BCL2: variants seen among roughly 807,000 people sequenced by gnomAD.
BCL2 encodes BCL2 apoptosis regulator.
BCL2 carries 1 observed loss-of-function variant against 14.2 expected under a neutral mutation model. The ratio of observed to expected loss-of-function variants is 0.07; its 90% confidence interval spans 0.02 to 0.33. BCL2 has a LOEUF of 0.33. Among genes scored for constraint, BCL2 ranks in the 10% least tolerant of loss-of-function variants. The probability of loss-of-function intolerance (pLI) is 0.99; values close to 1 mark genes in which losing one functional copy is unlikely to be tolerated. For missense variants in BCL2, 247 were observed against 305.9 expected (o/e 0.81, Z 1.44); for synonymous variants, 151 against 137.2 (o/e 1.10, Z -0.70).
intron 2 of BCL2, among the ~76,000 whole-genome samples, chr18:63,214,812 G>A (rs1369207318): frequency 6.6e-6 from 1 of 152,088 alleles, no homozygotes; most frequent in African/African-American, 2.4e-5. Context: ...CTGGTTTCAA[G>A]TGTTTCTCAT....
At chr18:63,202,773 A>T (rs1909733012) in intron 2 of BCL2, among the ~76,000 whole-genome samples, 1 of 152,194 alleles carries the variant, frequency 6.6e-6, no homozygotes, top group African/African-American at 2.4e-5. Flanking sequence ...TTGCCTAAAC[A>T]TCTTTATATT....
chr18:63,183,151 C>A (rs141567112), intron 2 of BCL2, among the ~76,000 whole-genome samples: 1 of 152,114 alleles, frequency 6.6e-6, no homozygotes, highest in South Asian at 2.1e-4. Context: ...ACCTTCCACC[C>A]GAAGTAAGAT....
intron 2 of BCL2, among the ~76,000 whole-genome samples, chr18:63,264,964 G>A (rs1361683314): frequency 0.012 from 4 of 338 alleles, no homozygotes; most frequent in Admixed American, 0.02. Context: ...GACTCTCACC[G>A]GTGACCCATG....
intron 2 of BCL2, among the ~76,000 whole-genome samples, chr18:63,171,967 C>T (rs1289401405): frequency 4.6e-5 from 7 of 151,944 alleles, no homozygotes; most frequent in South Asian, 2.1e-4. Context: ...GGTGACAAAG[C>T]GAGACCCCAT....
chr18:63,200,276 T>C (rs1909651880), intron 2 of BCL2, among the ~76,000 whole-genome samples: 1 of 152,190 alleles, frequency 6.6e-6, no homozygotes, highest in Non-Finnish European at 1.5e-5. Flanking sequence ...TCCTTACTTT[T>C]AGGTATTTGC....
chr18:63,247,846 A>C (rs867814752), intron 2 of BCL2, among the ~76,000 whole-genome samples: 8 of 152,308 alleles, frequency 5.3e-5, no homozygotes, highest in Middle Eastern at 3.4e-3. Context: ...TCGTAAGAAA[A>C]CTTAGAGGGT....
intron 2 of BCL2, among the ~76,000 whole-genome samples, chr18:63,199,676 C>A (rs1186902053): frequency 6.6e-6 from 1 of 151,866 alleles, no homozygotes; most frequent in Non-Finnish European, 1.5e-5. Flanking sequence ...GACATACACA[C>A]AGGTACAGAC....
Position 63,125,070 on chromosome 18 carries a change from G to A in BCL2, c.*3555C>T, listed in dbSNP as rs1309362641. ...TGAAAGCTAGACATGTGTTGGGATTGCCCTGATTATTTACATTTAATCTTG... is the reference window on the plus strand; with the variant it reads ...TGAAAGCTAGACATGTGTTGGGATTACCCTGATTATTTACATTTAATCTTG... On this transcript the variant is annotated 3_prime_UTR_variant, in exon 3 of 3. Coordinates refer to ENST00000333681, the MANE Select transcript of BCL2 (RefSeq NM_000633.3). The A allele has an allele frequency of 1.4e-5, 3 of 221,548 alleles. No individual in the cohort carries two copies. The Admixed American group carries it at 1.7e-4, about 13-fold the overall frequency. The allele number at this position is 221,548 out of a possible 1,614,324, so 13.7% of individuals were successfully genotyped here.
At chr18:63,196,206 CCA>C (rs1909441317) in intron 2 of BCL2, among the ~76,000 whole-genome samples, 1 of 151,990 alleles carries the variant, frequency 6.6e-6, no homozygotes, top group South Asian at 2.1e-4. Context: ...GTTCAATGAA[CCA>C]CAAAGAATCT....
intron 2 of BCL2, among the ~76,000 whole-genome samples, chr18:63,188,153 T>G (rs987834726): frequency 1.3e-5 from 2 of 152,238 alleles, no homozygotes; most frequent in Non-Finnish European, 2.9e-5. Context: ...GTTTTCTATC[T>G]CTTTTTAAGC....
chr18:63,165,768 G>GACCTT (rs11282101), intron 2 of BCL2, among the ~76,000 whole-genome samples: 43,646 of 151,822 alleles, frequency 0.29, 8,681 homozygotes, highest in African/African-American at 0.54. Flanking sequence ...TGTCCTCAAG[G>GACCTT]ACCTTAGGAT....
rs754168056 is a variant in BCL2 at position 63,198,195 on chromosome 18, C to CAG, written c.586-69438_586-69437dup. On this transcript the variant is annotated intron_variant, in intron 2 of 2. Coordinates refer to ENST00000333681, the MANE Select transcript of BCL2 (RefSeq NM_000633.3). ...ACAGACATACACACACACACACACA[C>CAG]AGAGACACACACAGACACACACAAA... is the stretch of plus-strand genomic sequence containing the variant. Among the ~76,000 whole-genome samples, 542 of 150,854 alleles carry CAG rather than the reference C, an allele frequency of 3.6e-3. 5 individuals are homozygous for CAG. Among genetic ancestry groups the CAG allele is most frequent in the African/African-American group, 0.012 (503 of 41,122 alleles).
chr18:63,307,574 C>A (rs955377069), intron 2 of BCL2, among the ~76,000 whole-genome samples: 1 of 152,192 alleles, frequency 6.6e-6, no homozygotes, highest in Admixed American at 6.5e-5. Flanking sequence ...CCCTGAGCCA[C>A]AAGCTGTTAC....
intron 2 of BCL2, among the ~76,000 whole-genome samples, chr18:63,144,414 C>T (rs921014959): frequency 2.6e-5 from 4 of 152,100 alleles, no homozygotes; most frequent in African/African-American, 7.2e-5. Context: ...CAAAGTCACT[C>T]AGCTCATTGC....
At chr18:63,250,639 T>A (rs796653524) in intron 2 of BCL2, among the ~76,000 whole-genome samples, 8 of 152,386 alleles carry the variant, frequency 5.2e-5, no homozygotes, top group African/African-American at 1.9e-4. Flanking sequence ...TTTTTCATAT[T>A]CATCTTTCCA....
chr18:63,269,069 C>T (rs1911925136), intron 2 of BCL2, among the ~76,000 whole-genome samples: 1 of 151,934 alleles, frequency 6.6e-6, no homozygotes, highest in Admixed American at 6.6e-5. Flanking sequence ...CTGAGTCAGC[C>T]TCCCAAGTAG....
intron 2 of BCL2, among the ~76,000 whole-genome samples, chr18:63,295,746 A>G (rs914161084): frequency 3.3e-5 from 5 of 151,640 alleles, no homozygotes; most frequent in Admixed American, 1.3e-4. Flanking sequence ...CACCTCCCCA[A>G]CCTTTTTCCT....
chr18:63,223,075 G>C (rs1910446182), intron 2 of BCL2, among the ~76,000 whole-genome samples: 1 of 152,202 alleles, frequency 6.6e-6, no homozygotes, highest in South Asian at 2.1e-4. Flanking sequence ...GGTGACCTCT[G>C]GAACTGTGCG....
chr18:63,259,901 A>C (rs1202085309), intron 2 of BCL2, among the ~76,000 whole-genome samples: 2 of 152,026 alleles, frequency 1.3e-5, no homozygotes, highest in East Asian at 1.9e-4. Flanking sequence ...GATCCATTTA[A>C]GGCTGACTAC....
Sources: gnomAD v4.1 joint callset for allele counts (sites outside exome capture counted in the v4.1 genomes callset) on GRCh38, gnomAD v4.1.1 for gene constraint, MANE v1.5 for transcripts, NCBI Gene and HGNC (gene_info 2026-07-23, HGNC 2026-07-21) for gene names.